F13B: variants seen among roughly 807,000 people sequenced by gnomAD.
F13B encodes the protein coagulation factor XIII B chain.
F13B carries 58 observed loss-of-function variants against 79.8 expected under a neutral mutation model. That is an observed-to-expected ratio of 0.73 (90% CI 0.59 to 0.90). F13B has a LOEUF of 0.90. Among genes scored for constraint, F13B ranks in the 40% least tolerant of loss-of-function variants. F13B has a pLI of 0.00. For synonymous variants in F13B, 283 were observed against 260.3 expected (o/e 1.09, Z -0.84); for missense variants, 773 against 777.0 (o/e 0.99, Z 0.06).
In F13B at chr1:197,050,885, A is replaced by G. The variant is rs1393431293; in HGVS notation, c.1556-6T>C. 1 of 1,611,434 alleles carries G rather than the reference A, an allele frequency of 6.2e-7. No homozygotes were observed. The highest frequency in any genetic ancestry group is 1.1e-5 in the South Asian group (1 of 91,012). On this transcript the variant is annotated splice_region_variant and splice_polypyrimidine_tract_variant and intron_variant, in intron 9 of 11. Coordinates refer to ENST00000367412, the MANE Select transcript of F13B (RefSeq NM_001994.3). ...TGTGCACATTCCTTTAGATTCTGCA[A>G]AAATAAGTTTTAAAGTATACAATGA...
Position 197,055,286 on chromosome 1 carries a change from T to G in F13B, c.1354+429A>C, listed in dbSNP as rs180749962. On this transcript the variant is annotated intron_variant, in intron 8 of 11. Transcript: ENST00000367412. Reference sequence around the variant, plus strand: ...GCGGTGGTAAAATTTAGCAATATACTCTATATAATATACTCTATAATATAT... The same window carrying G: ...GCGGTGGTAAAATTTAGCAATATACGCTATATAATATACTCTATAATATAT... Among the ~76,000 whole-genome samples, 242 of 152,070 alleles carry G rather than the reference T, an allele frequency of 1.6e-3. 2 individuals are homozygous for G. Among genetic ancestry groups the G allele is most frequent in the African/African-American group, 5.6e-3 (231 of 41,520 alleles).
chr1:197,043,832 T>C lies in F13B; in HGVS notation c.1739-3097A>G, dbSNP rs17549804. On this transcript the variant is annotated intron_variant, in intron 10 of 11. Coordinates refer to ENST00000367412, the MANE Select transcript of F13B (RefSeq NM_001994.3). ...GCAAAAAGATGTAATATATGTAATA[T>C]GGCATCACAGAAGAGGTGAGAAATG... 6.4e-3 allele frequency among the ~76,000 whole-genome samples: 968 copies of C among 152,200 alleles called. 8 individuals are homozygous for C. Among genetic ancestry groups the C allele is most frequent in the African/African-American group, 0.022 (902 of 41,562 alleles).
chr1:197,060,124 G>T (rs1655797731), intron 5 of F13B, among the ~76,000 whole-genome samples: 1 of 151,768 alleles, frequency 6.6e-6, no homozygotes, highest in African/African-American at 2.4e-5. Context: ...ATGTATAATA[G>T]ATATTTTAAA....
intron 1 of F13B, among the ~76,000 whole-genome samples, 178 bp downstream of exon 1, chr1:197,066,982 C>T (rs191109384): frequency 2.5e-4 from 38 of 152,016 alleles, no homozygotes; most frequent in South Asian, 1.2e-3. Context: ...ACTGTAAGAA[C>T]ACTTTACTAA....
chr1:197,061,914 C>T lies in F13B; in HGVS notation c.321G>A (p.Leu107=). ...SNGYISDVKL[L]YKIQENMRYG... ...AACGCATGTTCTCTTGAATTTTATA[C>T]AATAACTTTACATCAGAGATGTAAC... The change falls in exon 3 of 12, where the codon TTG becomes TTA. Residue 107 remains leucine, a synonymous_variant. Transcript: ENST00000367412. 1 of 1,612,946 alleles carries T rather than the reference C, an allele frequency of 6.2e-7. No homozygotes were observed. The highest frequency in any genetic ancestry group is 8.5e-7 in the Non-Finnish European group (1 of 1,179,380).
Position 197,060,443 on chromosome 1 carries a change from T to G in F13B, c.728A>C (p.Glu243Ala), listed in dbSNP as rs1558311158. The change falls in exon 5 of 12, where the codon GAA (glutamate) becomes GCA (alanine). Residue 243 changes from glutamate (E) to alanine (A), a missense_variant. Transcript: ENST00000367412. Reference sequence around the variant, plus strand: ...ATCAGATCCACTTAGATAATAATTTTCATGACAGAAAAACTGAACGACATC... The same window carrying G: ...ATCAGATCCACTTAGATAATAATTTGCATGACAGAAAAACTGAACGACATC... ...EGDVVQFFCH[E>A]NYYLSGSDLI... 2 of 1,611,272 alleles carry G rather than the reference T, an allele frequency of 1.2e-6. No individual in the cohort carries two copies. The highest frequency in any genetic ancestry group is 1.7e-6 in the Non-Finnish European group (2 of 1,178,128).
At chr1:197,045,240 T>C (rs370954552) in intron 10 of F13B, among the ~76,000 whole-genome samples, 1 of 151,290 alleles carries the variant, frequency 6.6e-6, no homozygotes, top group Non-Finnish European at 1.5e-5. Context: ...TTAAAAAAGA[T>C]AAACAAACTA....
Position 197,040,672 on chromosome 1 carries a change from T to A in F13B, c.1802A>T (p.Asp601Val). 1.2e-6 allele frequency: 2 copies of A among 1,613,014 alleles called. No homozygotes were observed. The highest frequency in any genetic ancestry group is 1.7e-5 in the Admixed American group (1 of 59,924). ...ACCATGCAAAATGTGTGGTCTATTG[T>A]CAAAATCCCATTTCAGAAGTAAATT... ...KNNLLLKWDF[D>V]NRPHILHGEY... is the part of the protein sequence containing the mutation. The change falls in exon 11 of 12, where the codon GAC becomes GTC. Residue 601 changes from aspartate (D) to valine (V), a missense_variant. Asp to Val is a radical substitution (Grantham distance 152, BLOSUM62 -3). Coordinates refer to ENST00000367412, the MANE Select transcript of F13B (RefSeq NM_001994.3).
At chr1:197,054,256 C>G (rs1315072640) in intron 8 of F13B, among the ~76,000 whole-genome samples, 1 of 152,080 alleles carries the variant, frequency 6.6e-6, no homozygotes, top group Non-Finnish European at 1.5e-5. Context: ...TCATTACCAG[C>G]TTTGCCATAA....
At position 197,061,771 on chromosome 1, in the gene F13B, A is replaced by C. The variant is rs761241928; in HGVS notation, c.451+13T>G. 5.0e-6 allele frequency: 8 copies of C among 1,610,884 alleles called. No homozygotes were observed. Among genetic ancestry groups the C allele is most frequent in the Middle Eastern group, 1.7e-4 (1 of 6,036 alleles). On this transcript the variant is annotated intron_variant, in intron 3 of 11. Coordinates refer to ENST00000367412, the MANE Select transcript of F13B (RefSeq NM_001994.3). Reference sequence around the variant, plus strand: ...AAGCACTTATCTTCAGTTTTAGGAAATGATTCTTATACCATGTTCTTTCCT... The same window carrying C: ...AAGCACTTATCTTCAGTTTTAGGAACTGATTCTTATACCATGTTCTTTCCT...
rs17549596 is a variant in F13B, at chr1:197,061,151, T to C, written c.452-76A>G. ...TATAAAAAATCTCAAAATATGGTTT[T>C]ACAAATCTTAAGAATACATGGTAAA... On this transcript the variant is annotated intron_variant, in intron 3 of 11. Coordinates refer to ENST00000367412, the MANE Select transcript of F13B (RefSeq NM_001994.3). 4.8e-3 allele frequency: 3,866 copies of C among 806,076 alleles called. 79 individuals carry two copies. The African/African-American group carries it at 0.048, about 10-fold the overall frequency. 49.9% of individuals were successfully genotyped at this position (806,076 alleles called of 1,614,324 possible).
chr1:197,062,786 T>C lies in F13B; in HGVS notation c.265+71A>G, dbSNP rs1328988835. The C allele has an allele frequency of 2.9e-5, 42 of 1,454,268 alleles. No homozygotes were observed. The East Asian group carries it at 4.1e-4, about 14-fold the overall frequency. 90.1% of individuals were successfully genotyped at this position (1,454,268 alleles called of 1,614,324 possible). ...AAGGTTTAACCGCTTTCCATTTTTA[T>C]TGGACCCCTATTTTTATATACAAAT... On this transcript the variant is annotated intron_variant, in intron 2 of 11. Coordinates refer to ENST00000367412, the MANE Select transcript of F13B (RefSeq NM_001994.3).
In F13B at chr1:197,052,652, G is replaced by A; in HGVS notation, c.1537C>T (p.Pro513Ser). 1.2e-6 allele frequency: 2 copies of A among 1,610,362 alleles called. No homozygotes were observed. Among genetic ancestry groups the A allele is most frequent in the Non-Finnish European group, 1.7e-6 (2 of 1,177,750 alleles). Residue 513 changes from proline to serine, a missense_variant, in exon 9 of 12, where the codon CCT becomes TCT. Transcript: ENST00000367412. ...VQCNRGEVKY[P>S]LCTRKESKGM... ...ATTTTACCTTTTCTAGTACATAAAG[G>A]ATATTTCACTTCTCCTCTGTTGCAC...
At chr1:197,058,885 C>A (rs1655741897) in intron 5 of F13B, among the ~76,000 whole-genome samples, 1 of 152,004 alleles carries the variant, frequency 6.6e-6, no homozygotes, top group East Asian at 1.9e-4. Context: ...AAAAAACAGG[C>A]ATGTTGTCAT....
At chr1:197,051,603 C>G (rs568691417) in intron 9 of F13B, among the ~76,000 whole-genome samples, 1 of 152,110 alleles carries the variant, frequency 6.6e-6, no homozygotes, top group South Asian at 2.1e-4. Context: ...TTGATTTTTT[C>G]CCTTCATAAA....
At chr1:197,064,814 C>T (rs1376743664) in intron 1 of F13B, among the ~76,000 whole-genome samples, 4 of 152,070 alleles carry the variant, frequency 2.6e-5, no homozygotes, top group African/African-American at 4.8e-5. Flanking sequence ...AAGAAATGCT[C>T]GAACAATCCT....
intron 1 of F13B, among the ~76,000 whole-genome samples, chr1:197,065,728 T>C (rs1656023768): frequency 6.6e-6 from 1 of 152,162 alleles, no homozygotes; most frequent in African/African-American, 2.4e-5. Context: ...TATTACAATA[T>C]TCATTCCAGA....
chr1:197,040,281 G>T, intron 11 of F13B: 2 of 460,808 alleles, frequency 4.3e-6, no homozygotes, highest in South Asian at 2.9e-5. Flanking sequence ...TTTTCCATTT[G>T]CCAAAGTGTC....
Position 197,056,993 on chromosome 1 carries a change from G to GGTAA in F13B, c.1171+16_1171+19dup, listed in dbSNP as rs1327491228. ...TTACACCATAAGTTTAGCTACTGAT[G>GGTAA]GTAAATGTAGCATACATACCAACAC... On this transcript the variant is annotated intron_variant, in intron 7 of 11. Coordinates refer to ENST00000367412, the MANE Select transcript of F13B (RefSeq NM_001994.3). 2.1e-5 allele frequency: 34 copies of GGTAA among 1,611,156 alleles called. No individual in the cohort carries two copies. The highest frequency in any genetic ancestry group is 2.8e-5 in the Non-Finnish European group (33 of 1,178,548).
Sources: gnomAD v4.1 joint callset for allele counts (sites outside exome capture counted in the v4.1 genomes callset) on GRCh38, gnomAD v4.1.1 for gene constraint, MANE v1.5 for transcripts, NCBI Gene and HGNC (gene_info 2026-07-23, HGNC 2026-07-21) for gene names.